The following NRXN3 variants were observed in gnomAD, a reference collection of about 807,000 sequenced individuals.
The protein encoded by NRXN3 is neurexin 3.
In NRXN3, 32 loss-of-function variants were observed where a neutral mutation model predicts 137.6. The observed-to-expected ratio is 0.23, with a 90% CI of 0.18 to 0.31. The LOEUF is 0.31. Among genes scored for constraint, NRXN3 ranks in the 10% least tolerant of loss-of-function variants. The pLI, the probability that NRXN3 is intolerant of heterozygous loss-of-function variation, is 1.00. For synonymous variants in NRXN3, 798 were observed against 784.5 expected, an observed-to-expected ratio of 1.02 and a Z score of -0.29; for missense variants, 1,574 against 2,062.5, an observed-to-expected ratio of 0.76 and a Z score of 4.59.
chr14:78,274,066 CATACCTGTCCG>C (rs1264442492), intron 2 of NRXN3, among the ~76,000 whole-genome samples: 2 of 152,198 alleles, frequency 1.3e-5, no homozygotes, highest in African/African-American at 2.4e-5. Flanking sequence ...ATCTTGGACT[CATACCTGTCCG>C]TCCAAATGAT....
At chr14:79,676,065 A>G (rs767113729) in intron 17 of NRXN3, among the ~76,000 whole-genome samples, 3 of 152,002 alleles carry the variant, frequency 2.0e-5, no homozygotes, top group Non-Finnish European at 2.9e-5. Context: ...TAAGTCTTAG[A>G]GAGCATGCCC....
At position 78,325,499 on chromosome 14, in the gene NRXN3, A is replaced by G. The variant is rs1420162525; in HGVS notation, c.757+27639A>G. 2.6e-5 allele frequency among the ~76,000 whole-genome samples: 4 copies of G among 152,144 alleles called. No individual in the cohort carries two copies. In the East Asian group the frequency reaches 7.7e-4, roughly 29 times the overall value. ...AGGAATAGACAAATGTGATACCCTA[A>G]CACCATGCCTCATATATGGTAAGTG... On this transcript the variant is annotated intron_variant, in intron 4 of 20. Coordinates refer to ENST00000335750, the MANE Select transcript of NRXN3 (RefSeq NM_001330195.2).
At chr14:79,126,780 C>T (rs1388397253) in intron 15 of NRXN3, among the ~76,000 whole-genome samples, 3 of 152,172 alleles carry the variant, frequency 2.0e-5, no homozygotes, top group African/African-American at 4.8e-5. Flanking sequence ...AACTAGTTTA[C>T]AGTCCCACCA....
At chr14:78,376,036 A>G (rs1335915443) in intron 4 of NRXN3, among the ~76,000 whole-genome samples, 1 of 151,220 alleles carries the variant, frequency 6.6e-6, no homozygotes, top group Non-Finnish European at 1.5e-5. Context: ...ACACACACAC[A>G]CTCATTCTCC....
At chr14:79,029,367 A>T (rs1293915628) in intron 15 of NRXN3, among the ~76,000 whole-genome samples, 3 of 152,186 alleles carry the variant, frequency 2.0e-5, no homozygotes, top group Non-Finnish European at 4.4e-5. Context: ...ATTTGCAAAC[A>T]TATTACTGTT....
At chr14:78,620,471 T>A (rs1413891959) in intron 4 of NRXN3, among the ~76,000 whole-genome samples, 1 of 152,136 alleles carries the variant, frequency 6.6e-6, no homozygotes, top group Admixed American at 6.5e-5. Context: ...TGCCTTTTTA[T>A]CAGAGGTACA....
At chr14:79,315,368 G>C (rs1429387011) in intron 15 of NRXN3, among the ~76,000 whole-genome samples, 1 of 152,042 alleles carries the variant, frequency 6.6e-6, no homozygotes, top group African/African-American at 2.4e-5. Context: ...ACTATATATT[G>C]TTCTAAGTAA....
intron 15 of NRXN3, among the ~76,000 whole-genome samples, chr14:79,260,145 C>T (rs972263888): frequency 6.6e-6 from 1 of 152,056 alleles, no homozygotes; most frequent in African/African-American, 2.4e-5. Context: ...TATGTATCTA[C>T]CTTATTACTT....
intron 4 of NRXN3, among the ~76,000 whole-genome samples, chr14:78,331,762 G>A (rs2080847026): frequency 6.6e-6 from 1 of 152,196 alleles, no homozygotes; most frequent in Non-Finnish European, 1.5e-5. Context: ...AGACTGGGGA[G>A]TGTGCAGAGG....
chr14:78,315,732 G>T (rs1038205170), intron 4 of NRXN3, among the ~76,000 whole-genome samples: 5 of 152,094 alleles, frequency 3.3e-5, no homozygotes, highest in African/African-American at 9.7e-5. Context: ...TTGTTTTATT[G>T]TGATCACTGG....
At chr14:79,142,525 A>G (rs571489265) in intron 15 of NRXN3, among the ~76,000 whole-genome samples, 2 of 152,264 alleles carry the variant, frequency 1.3e-5, no homozygotes, top group East Asian at 1.9e-4. Context: ...TAAAAAAACA[A>G]TGATCCAATA....
At chr14:79,740,394 C>G (rs1441623060) in intron 19 of NRXN3, among the ~76,000 whole-genome samples, 1 of 151,946 alleles carries the variant, frequency 6.6e-6, no homozygotes, top group East Asian at 2.0e-4. Flanking sequence ...CCTGGGGGGC[C>G]TGCAGGAGAG....
At chr14:79,030,635 C>CTTTTTTTTTTTTTTTTTTTTTTTGT in intron 15 of NRXN3, among the ~76,000 whole-genome samples, 2 of 54,236 alleles carry the variant, frequency 3.7e-5, no homozygotes, top group African/African-American at 7.2e-5. Flanking sequence ...TTCTCTGTGT[C>CTTTTTTTTTTTTTTTTTTTTTTTGT]TTTTTTTTTT....
chr14:78,902,741 A>T (rs962379868), intron 10 of NRXN3, among the ~76,000 whole-genome samples: 1 of 152,006 alleles, frequency 6.6e-6, no homozygotes, highest in Non-Finnish European at 1.5e-5. Flanking sequence ...GTCCAGAGCC[A>T]ACCCTACAGC....
At chr14:79,803,482 C>T (rs2099189891) in intron 19 of NRXN3, among the ~76,000 whole-genome samples, 1 of 152,104 alleles carries the variant, frequency 6.6e-6, no homozygotes, top group Non-Finnish European at 1.5e-5. Flanking sequence ...TGGCCTTCCT[C>T]CCACTGGGTA....
At chr14:78,509,471 A>T (rs2096062455) in intron 4 of NRXN3, among the ~76,000 whole-genome samples, 1 of 152,112 alleles carries the variant, frequency 6.6e-6, no homozygotes, top group Non-Finnish European at 1.5e-5. Context: ...CATTCTTCCC[A>T]TGGGGAACTT....
intron 15 of NRXN3, among the ~76,000 whole-genome samples, chr14:78,990,502 GCTGGGATTACAGGTGC>G (rs2099516681): frequency 6.6e-6 from 1 of 151,206 alleles, no homozygotes; most frequent in African/African-American, 2.4e-5. Flanking sequence ...CTCCTGAGTA[GCTGGGATTACAGGTGC>G]CTGCCACTAC....
intron 4 of NRXN3, among the ~76,000 whole-genome samples, chr14:78,508,109 A>G (rs1160681788): frequency 6.6e-6 from 1 of 152,188 alleles, no homozygotes; most frequent in Non-Finnish European, 1.5e-5. Flanking sequence ...GGTAAATACG[A>G]ATGTCAATCT....
intron 15 of NRXN3, among the ~76,000 whole-genome samples, chr14:79,301,461 G>A (rs546198055): frequency 1.1e-4 from 17 of 152,088 alleles, no homozygotes; most frequent in East Asian, 9.7e-4. Flanking sequence ...CTCAACCTGC[G>A]CTGCTCGTAT....
Sources: gnomAD v4.1 joint callset for allele counts (sites outside exome capture counted in the v4.1 genomes callset) on GRCh38, gnomAD v4.1.1 for gene constraint, MANE v1.5 for transcripts, NCBI Gene and HGNC (gene_info 2026-07-23, HGNC 2026-07-21) for gene names.